The following NEDD9 variants were observed in gnomAD, a reference collection of about 807,000 sequenced individuals.
The protein encoded by NEDD9 is enhancer of filamentation 1.
Under a neutral mutation model 76.6 loss-of-function variants are expected in NEDD9, and 26 were observed. That is an observed-to-expected ratio of 0.34 (90% CI 0.25 to 0.47). The LOEUF is 0.47. Ranked by LOEUF, NEDD9 falls within the 20% of genes least tolerant of loss-of-function variation. The pLI, the probability that NEDD9 is intolerant of heterozygous loss-of-function variation, is 1.00. For synonymous variants in NEDD9, 392 were observed against 414.2 expected, an observed-to-expected ratio of 0.95 and a Z score of 0.65; for missense variants, 937 against 1,058.5, an observed-to-expected ratio of 0.89 and a Z score of 1.59.
chr6:11,192,932 CAAAAA>C (rs71550759), intron 3 of NEDD9, among the ~76,000 whole-genome samples: 17 of 28,150 alleles, frequency 6.0e-4, no homozygotes, highest in Non-Finnish European at 2.4e-4. Context: ...GACTCTGTCT[CAAAAA>C]AAAAAAAAAA....
rs952418026 is a variant in NEDD9 at position 11,217,426 on chromosome 6, C to G, written c.13-3699G>C. 3.3e-5 allele frequency among the ~76,000 whole-genome samples: 5 copies of G among 152,230 alleles called. No homozygotes were observed. In the South Asian group the frequency reaches 1.0e-3, roughly 32 times the overall value. ...CACTCACCCCCTTGGATATTTATCT[C>G]CAGGGTAGGGAAGGTCAACACAGAA... On this transcript the variant is annotated intron_variant, in intron 1 of 6. Transcript: ENST00000379446.
chr6:11,224,553 G>A (rs558265265), intron 1 of NEDD9, among the ~76,000 whole-genome samples: 9 of 152,070 alleles, frequency 5.9e-5, no homozygotes, highest in African/African-American at 1.4e-4. Flanking sequence ...ACAGGTCCAC[G>A]AACCCATTTC....
At chr6:11,231,508 G>T (rs1243622443) in intron 1 of NEDD9, among the ~76,000 whole-genome samples, 1 of 152,236 alleles carries the variant, frequency 6.6e-6, no homozygotes, top group Non-Finnish European at 1.5e-5. Context: ...AATATAAATT[G>T]TCAATCCACA....
At chr6:11,261,656 T>C (rs900281759) in intron 3 of NEDD9, among the ~76,000 whole-genome samples, 1 of 152,232 alleles carries the variant, frequency 6.6e-6, no homozygotes. Flanking sequence ...CTAATTCTAG[T>C]GAGTATGACT....
chr6:11,254,238 A>G (rs112714356), intron 3 of NEDD9, among the ~76,000 whole-genome samples: 7 of 152,196 alleles, frequency 4.6e-5, no homozygotes, highest in Admixed American at 1.3e-4. Flanking sequence ...CTTCTGCCTC[A>G]AACTCCTGAG....
At chr6:11,305,079 C>T in intron 3 of NEDD9, 1 of 1,286,784 alleles carries the variant, frequency 7.8e-7, no homozygotes, top group Non-Finnish European at 1.0e-6. Context: ...GGAACGTTTG[C>T]CCAGAAAGGA....
At chr6:11,225,559 T>A (rs1361869926) in intron 1 of NEDD9, among the ~76,000 whole-genome samples, 1 of 152,214 alleles carries the variant, frequency 6.6e-6, no homozygotes, top group Non-Finnish European at 1.5e-5. Context: ...TGGAGTGCAG[T>A]GGTGCAATCT....
chr6:11,334,631 G>A (rs1164574897), intron 1 of NEDD9: 1 of 152,178 alleles, frequency 6.6e-6, no homozygotes, highest in Non-Finnish European at 1.5e-5. Context: ...TTTGATATTG[G>A]AATACATTCT....
chr6:11,217,791 T>C (rs1293223425), intron 1 of NEDD9, among the ~76,000 whole-genome samples: 1 of 152,212 alleles, frequency 6.6e-6, no homozygotes. Flanking sequence ...GTGGCTCTAA[T>C]CAGGATTGCA....
chr6:11,214,317 T>C, intron 1 of NEDD9: 1 of 440,776 alleles, frequency 2.3e-6, no homozygotes, highest in South Asian at 1.7e-5. Context: ...AAGCAAGGCA[T>C]GTAGACATGC....
At chr6:11,361,346 C>T (rs9468986) in intron 1 of NEDD9, among the ~76,000 whole-genome samples, 4,987 of 152,196 alleles carry the variant, frequency 0.033, 257 homozygotes, top group African/African-American at 0.11. Context: ...TTACAGAAAG[C>T]TCAGAGGCTT....
intron 3 of NEDD9, among the ~76,000 whole-genome samples, chr6:11,261,461 A>G (rs1318694779): frequency 6.6e-6 from 1 of 152,132 alleles, no homozygotes; most frequent in Non-Finnish European, 1.5e-5. Flanking sequence ...ATCCTCCCAT[A>G]TTTCTGTTGA....
chr6:11,338,158 C>A lies in NEDD9; in HGVS notation c.-213-3597G>T, dbSNP rs549867058. ...GTTAACCTGAAGTCACTAGAGCACA[C>A]CCCTAATCCAATGACTGGTGTCCTT... On this transcript the variant is annotated intron_variant, in intron 1 of 3. Transcript: ENST00000397378. 2.8e-4 allele frequency among the ~76,000 whole-genome samples: 42 copies of A among 152,306 alleles called. 1 individual carries two copies. The South Asian group carries it at 8.5e-3, about 31-fold the overall frequency.
At chr6:11,283,601 C>T (rs1356686384) in intron 3 of NEDD9, among the ~76,000 whole-genome samples, 1 of 152,124 alleles carries the variant, frequency 6.6e-6, no homozygotes, top group African/African-American at 2.4e-5. Flanking sequence ...GCTTTAATGA[C>T]CATGGCAAAC....
chr6:11,211,191 A>T (rs73445013), intron 2 of NEDD9, among the ~76,000 whole-genome samples: 1,659 of 152,298 alleles, frequency 0.011, 33 homozygotes, highest in African/African-American at 0.038. Context: ...TGAGTGCCCG[A>T]GGGTCACCCC....
At chr6:11,215,979 T>G (rs1758942930) in intron 1 of NEDD9, among the ~76,000 whole-genome samples, 1 of 152,194 alleles carries the variant, frequency 6.6e-6, no homozygotes, top group African/African-American at 2.4e-5. Flanking sequence ...GAAATCCCCG[T>G]GCGAGAGTCG....
chr6:11,323,669 A>C (rs9295940), intron 2 of NEDD9, among the ~76,000 whole-genome samples: 149,444 of 152,314 alleles, frequency 0.98, 73,324 homozygotes, highest in East Asian at 1. Context: ...GCTGAAAAAC[A>C]CTGCTCTAAG....
intron 1 of NEDD9, among the ~76,000 whole-genome samples, chr6:11,215,759 T>A (rs1478713935): frequency 6.6e-6 from 1 of 152,098 alleles, no homozygotes; most frequent in Non-Finnish European, 1.5e-5. Flanking sequence ...TCGGGCTAGT[T>A]GTATGGGAGC....
intron 1 of NEDD9, among the ~76,000 whole-genome samples, chr6:11,342,458 GTTAAGAAT>G (rs1022780335): frequency 1.3e-5 from 2 of 152,110 alleles, no homozygotes; most frequent in African/African-American, 4.8e-5. Flanking sequence ...GAGGAACAAA[GTTAAGAAT>G]TATTACTAGT....
Sources: allele counts gnomAD v4.1 joint callset (sites outside exome capture counted in the v4.1 genomes callset), GRCh38; gene constraint gnomAD v4.1.1; transcripts MANE v1.5; gene names NCBI Gene and HGNC (gene_info 2026-07-23, HGNC 2026-07-21).